PRUNE2: variants seen among roughly 807,000 people sequenced by gnomAD.
PRUNE2 encodes prune homolog 2 with BCH domain, also known as protein prune homolog 2.
A neutral mutation model predicts 252.0 loss-of-function variants in PRUNE2; 164 were observed. The ratio of observed to expected loss-of-function variants is 0.65; its 90% CI spans 0.57 to 0.74. PRUNE2 has a LOEUF of 0.74. Among genes scored for constraint, PRUNE2 ranks in the 30% least tolerant of loss-of-function variants. The pLI, the probability that PRUNE2 is intolerant of heterozygous loss-of-function variation, is 0.00. For missense variants in PRUNE2, 3,495 were observed against 3,711.0 expected, an observed-to-expected ratio of 0.94 and a Z score of 1.51; for synonymous variants, 1,292 against 1,350.2, an observed-to-expected ratio of 0.96 and a Z score of 0.94.
In PRUNE2 at chr9:76,775,469, G is replaced by A. The variant is rs565899993; in HGVS notation, c.756+48163C>T. 3.0e-4 allele frequency among the ~76,000 whole-genome samples: 40 copies of A among 135,458 alleles called. No individual in the cohort carries two copies. The South Asian group carries it at 1.0e-2, about 34-fold the overall frequency. The allele number at this position is 135,458 out of a possible 152,430, so 88.9% of individuals were successfully genotyped here. On this transcript the variant is annotated intron_variant, in intron 6 of 18. Coordinates refer to ENST00000376718, the MANE Select transcript of PRUNE2 (RefSeq NM_015225.3). ...GCACTACCATGCCCAGCTAATTTTT[G>A]TGGTTTTTTTTTGTAGAGATGGGAT...
At chr9:76,699,027 T>G (rs1588667752) in intron 9 of PRUNE2, among the ~76,000 whole-genome samples, 1 of 139,648 alleles carries the variant, frequency 7.2e-6, no homozygotes. Context: ...TCTCTTCTCC[T>G]TCCCCACCCC....
rs115233166 is a variant in PRUNE2 at position 76,809,212 on chromosome 9, C to T, written c.756+14420G>A. On this transcript the variant is annotated intron_variant, in intron 6 of 18. Transcript: ENST00000376718. ...TGCTTCTTTCGTATAGGTAGTGGCCCATTAGAGCCAATTATAATTGCCAAT... is the reference window on the plus strand; with the variant it reads ...TGCTTCTTTCGTATAGGTAGTGGCCTATTAGAGCCAATTATAATTGCCAAT... Among the ~76,000 whole-genome samples, 727 of 152,264 alleles carry T rather than the reference C, an allele frequency of 4.8e-3. 3 individuals are homozygous for T. The highest frequency in any genetic ancestry group is 0.017 in the African/African-American group (693 of 41,530).
intron 6 of PRUNE2, chr9:76,823,299 C>T (rs2058141864): frequency 1.0e-5 from 2 of 198,858 alleles, no homozygotes; most frequent in African/African-American, 2.3e-5. Flanking sequence ...CAGGGTGGTA[C>T]ACAGAAAATA....
chr9:76,846,424 C>T, intron 4 of PRUNE2, 91 bp downstream of exon 4: 3 of 1,171,718 alleles, frequency 2.6e-6, no homozygotes, highest in African/African-American at 1.5e-5. Context: ...AGATTGTTAA[C>T]CCAAGAATGG....
chr9:76,623,748 A>T (rs557268058), intron 17 of PRUNE2, among the ~76,000 whole-genome samples: 1 of 152,304 alleles, frequency 6.6e-6, no homozygotes, highest in South Asian at 2.1e-4. Context: ...CAACAATCTT[A>T]TCCAAATATT....
At chr9:76,669,676 A>T (rs2133880189) in intron 9 of PRUNE2, among the ~76,000 whole-genome samples, 1 of 152,300 alleles carries the variant, frequency 6.6e-6, no homozygotes, top group South Asian at 2.1e-4. Flanking sequence ...AGTCCAGTCT[A>T]AGCTGACTTC....
intron 12 of PRUNE2, among the ~76,000 whole-genome samples, chr9:76,640,328 ACT>A: frequency 6.6e-6 from 1 of 152,308 alleles, no homozygotes; most frequent in South Asian, 2.1e-4. Flanking sequence ...AGAGAGTGTG[ACT>A]CTACTGCAAA....
chr9:76,619,155 G>T (rs17062775), intron 18 of PRUNE2, among the ~76,000 whole-genome samples, 185 bp downstream of exon 18: 9,640 of 152,212 alleles, frequency 0.063, 779 homozygotes, highest in African/African-American at 0.18. Flanking sequence ...AATTTAAGGG[G>T]TGATCGTGAA....
intron 1 of PRUNE2, among the ~76,000 whole-genome samples, chr9:76,859,697 G>A (rs1325802240): frequency 6.6e-6 from 1 of 151,430 alleles, no homozygotes; most frequent in Non-Finnish European, 1.5e-5. Flanking sequence ...TTGTTTGTTT[G>A]TTTGTTTGTT....
At chr9:76,752,561 C>T (rs1005761726) in intron 6 of PRUNE2, among the ~76,000 whole-genome samples, 1 of 151,980 alleles carries the variant, frequency 6.6e-6, no homozygotes, top group Admixed American at 6.5e-5. Context: ...GTAAAATTTT[C>T]TCCTTAACCT....
intron 6 of PRUNE2, among the ~76,000 whole-genome samples, chr9:76,713,979 T>C (rs1421492055): frequency 6.6e-6 from 1 of 152,212 alleles, no homozygotes; most frequent in Non-Finnish European, 1.5e-5. Context: ...AGAACAGATA[T>C]CCTAAACATT....
chr9:76,813,133 G>C (rs1398518370), intron 6 of PRUNE2, among the ~76,000 whole-genome samples: 1 of 152,034 alleles, frequency 6.6e-6, no homozygotes, highest in Non-Finnish European at 1.5e-5. Flanking sequence ...TTTGAAATTG[G>C]CCATGGTAAG....
rs768465542 is a variant in PRUNE2, at chr9:76,703,874, C to T, written c.7739G>A (p.Gly2580Asp). Residue 2580 changes from glycine (G) to aspartate (D), a missense_variant, in exon 9 of 19, where the codon GGT becomes GAT. Transcript: ENST00000376718. ...TCCCTGCAGCCCTGTTTCTTTGGAA[C>T]CTACATACAATTCTAATTCAGCTAT... ...ESIAELELYV[G>D]SKETGLQGTQ... The T allele has an allele frequency of 1.9e-6, 3 of 1,613,776 alleles. No homozygotes were observed. The African/African-American group carries it at 4.0e-5, about 22-fold the overall frequency.
chr9:76,866,950 G>A (rs1388849906), intron 1 of PRUNE2, among the ~76,000 whole-genome samples: 3 of 152,156 alleles, frequency 2.0e-5, no homozygotes, highest in East Asian at 3.9e-4. Context: ...TCTTGACAAC[G>A]GGTCATGTCT....
At chr9:76,738,726 C>T (rs1000943885) in intron 6 of PRUNE2, 1 of 152,180 alleles carries the variant, frequency 6.6e-6, no homozygotes, top group Non-Finnish European at 1.5e-5. Flanking sequence ...TTGAGGGATG[C>T]ATTTCAGTGT....
intron 15 of PRUNE2, among the ~76,000 whole-genome samples, chr9:76,631,164 CT>C (rs1196990282): frequency 2.6e-5 from 4 of 152,312 alleles, no homozygotes; most frequent in South Asian, 2.1e-4. Flanking sequence ...TACATTAAGC[CT>C]TTTTCCTCCT....
At chr9:76,688,339 C>A (rs1200633457) in intron 9 of PRUNE2, among the ~76,000 whole-genome samples, 1 of 152,182 alleles carries the variant, frequency 6.6e-6, no homozygotes, top group Non-Finnish European at 1.5e-5. Context: ...TGTGGTTTTT[C>A]ACTTGCAGTA....
At chr9:76,794,851 A>G (rs2055932626) in intron 6 of PRUNE2, among the ~76,000 whole-genome samples, 1 of 152,206 alleles carries the variant, frequency 6.6e-6, no homozygotes, top group Non-Finnish European at 1.5e-5. Flanking sequence ...GACAAATCAC[A>G]TTAAGTTTTA....
intron 6 of PRUNE2, among the ~76,000 whole-genome samples, chr9:76,809,546 A>G (rs1221569374): frequency 6.6e-6 from 1 of 152,130 alleles, no homozygotes; most frequent in Non-Finnish European, 1.5e-5. Context: ...AAATTCAAAA[A>G]TTAGCTGGAC....
Sources: allele counts gnomAD v4.1 joint callset (sites outside exome capture counted in the v4.1 genomes callset), GRCh38; gene constraint gnomAD v4.1.1; transcripts MANE v1.5; gene names NCBI Gene and HGNC (gene_info 2026-07-23, HGNC 2026-07-21).